CD2AP: variants seen among roughly 807,000 people sequenced by gnomAD.
CD2AP encodes the protein CD2 associated protein.
A neutral mutation model predicts 85.1 loss-of-function variants in CD2AP; 46 were observed. The observed-to-expected ratio is 0.54, with a 90% CI of 0.43 to 0.69. The LOEUF is 0.69. Among genes scored for constraint, CD2AP ranks in the 30% least tolerant of loss-of-function variants. The probability of loss-of-function intolerance (pLI) is 0.00; values close to 1 mark genes in which losing one functional copy is unlikely to be tolerated. For synonymous variants in CD2AP, 255 were observed against 252.9 expected (o/e 1.01, Z -0.08); for missense variants, 769 against 729.5 (o/e 1.05, Z -0.62).
intron 4 of CD2AP, among the ~76,000 whole-genome samples, chr6:47,547,385 T>C (rs1767393137): frequency 6.6e-6 from 1 of 152,164 alleles, no homozygotes; most frequent in Non-Finnish European, 1.5e-5. Context: ...GCTATGCTTA[T>C]ATCAGACAAA....
rs1273482077 is a variant in CD2AP at position 47,478,263 on chromosome 6, C to T, written c.4+15C>T. The stretch of plus-strand genomic sequence containing the variant: ...CCCCAGCATGGGTAAGAGACTCGGG[C>T]GCTTCCCGCCGCCCGTCCGGACCTT... On this transcript the variant is annotated intron_variant, in intron 1 of 17. Transcript: ENST00000359314. 1 of 1,568,292 alleles carries T rather than the reference C, an allele frequency of 6.4e-7. No homozygotes were observed. The highest frequency in any genetic ancestry group is 8.6e-7 in the Non-Finnish European group (1 of 1,157,220).
chr6:47,494,873 G>A (rs1406910035), intron 1 of CD2AP, among the ~76,000 whole-genome samples: 3 of 152,164 alleles, frequency 2.0e-5, no homozygotes, highest in African/African-American at 4.8e-5. Flanking sequence ...TTTAGAAATA[G>A]TTGGCTGGGC....
intron 4 of CD2AP, among the ~76,000 whole-genome samples, chr6:47,546,674 A>G (rs566247098): frequency 6.6e-6 from 1 of 152,254 alleles, no homozygotes; most frequent in African/African-American, 2.4e-5. Context: ...TAGGAAGTTC[A>G]AAGGACACCT....
At chr6:47,570,686 G>A (rs1188181810) in intron 5 of CD2AP, among the ~76,000 whole-genome samples, 2 of 152,050 alleles carry the variant, frequency 1.3e-5, no homozygotes, top group African/African-American at 4.8e-5. Context: ...ACTGTTTAAA[G>A]CACTTCACAG....
At position 47,608,027 on chromosome 6, in the gene CD2AP, A is replaced by G; in HGVS notation, c.1631A>G (p.Lys544Arg). 6.3e-7 allele frequency: 1 copy of G among 1,598,328 alleles called. No individual in the cohort carries two copies. Among genetic ancestry groups the G allele is most frequent in the Non-Finnish European group, 8.6e-7 (1 of 1,165,980 alleles). ...ELKKDTCYSP[K>R]PSVYLSTPSS... ...AAAAAAGATACATGCTACTCTCCAA[A>G]GGTGAGGTGCATTGTGGTCTAAGGT... Residue 544 changes from lysine to arginine, a missense_variant and splice_region_variant, in exon 15 of 18, where the codon AAG becomes AGG. By Grantham distance (26) the Lys-to-Arg change is conservative. Transcript: ENST00000359314.
At chr6:47,517,453 A>T (rs1766482587) in intron 2 of CD2AP, among the ~76,000 whole-genome samples, 1 of 151,710 alleles carries the variant, frequency 6.6e-6, no homozygotes, top group African/African-American at 2.4e-5. Flanking sequence ...ATGCCTGGCT[A>T]ATGTTTTTTC....
chr6:47,625,529 A>T lies in CD2AP; in HGVS notation c.*1302A>T, dbSNP rs1769885719. On this transcript the variant is annotated 3_prime_UTR_variant, in exon 18 of 18. Transcript: ENST00000359314. ...GTTCTGTCTGTAGGTAACATCTAAA[A>T]CACAAGTGGGTTTATTTAAATTTTT... 1 of 151,902 alleles carries T rather than the reference A, an allele frequency of 6.6e-6. No homozygotes were observed. The highest frequency in any genetic ancestry group is 1.5e-5 in the Non-Finnish European group (1 of 67,774). 9.4% of individuals were successfully genotyped at this position (151,902 alleles called of 1,614,324 possible). A position where few individuals can be genotyped will look rare whatever the true frequency, so the allele number is the denominator to read the frequency against.
chr6:47,572,342 T>C (rs1209441770), intron 5 of CD2AP, among the ~76,000 whole-genome samples: 2 of 152,236 alleles, frequency 1.3e-5, no homozygotes, highest in Non-Finnish European at 2.9e-5. Context: ...TGGTGCGACA[T>C]TTGTCAAACA....
intron 2 of CD2AP, among the ~76,000 whole-genome samples, chr6:47,526,754 T>C (rs1766739917): frequency 1.3e-5 from 2 of 152,200 alleles, no homozygotes; most frequent in African/African-American, 2.4e-5. Flanking sequence ...AGTCAAGTGC[T>C]TGGTCTCCTG....
intron 5 of CD2AP, among the ~76,000 whole-genome samples, chr6:47,566,508 T>C (rs909741845): frequency 5.3e-5 from 8 of 151,950 alleles, no homozygotes; most frequent in African/African-American, 1.9e-4. Context: ...TGGTTTTTGC[T>C]TTAAGTTCTG....
At chr6:47,490,266 G>T (rs1056781793) in intron 1 of CD2AP, among the ~76,000 whole-genome samples, 1 of 152,186 alleles carries the variant, frequency 6.6e-6, no homozygotes, top group African/African-American at 2.4e-5. Flanking sequence ...TTACAGGCAT[G>T]AGCCACTATG....
At chr6:47,588,492 TC>T (rs1582595595) in intron 11 of CD2AP, among the ~76,000 whole-genome samples, 1 of 152,156 alleles carries the variant, frequency 6.6e-6, no homozygotes. Flanking sequence ...TTCTGAAACT[TC>T]CTTCTAGTGG....
At chr6:47,511,845 G>A (rs1223074506) in intron 2 of CD2AP, among the ~76,000 whole-genome samples, 6 of 150,990 alleles carry the variant, frequency 4.0e-5, no homozygotes, top group Non-Finnish European at 8.8e-5. Context: ...TGGCTAACAC[G>A]GTGAAACCTC....
intron 3 of CD2AP, among the ~76,000 whole-genome samples, chr6:47,535,075 A>G (rs935757443): frequency 6.6e-6 from 1 of 152,090 alleles, no homozygotes; most frequent in African/African-American, 2.4e-5. Context: ...GGAATTACAG[A>G]CGTGAGCCAC....
At chr6:47,606,386 T>C in intron 14 of CD2AP, 109 bp downstream of exon 14, 1 of 726,828 alleles carries the variant, frequency 1.4e-6, no homozygotes, top group Admixed American at 2.0e-5. Flanking sequence ...GGAGGATAGC[T>C]CTTATACTCA....
intron 2 of CD2AP, among the ~76,000 whole-genome samples, chr6:47,528,070 A>G (rs189768645): frequency 6.6e-6 from 1 of 152,332 alleles, no homozygotes; most frequent in Admixed American, 6.5e-5. Flanking sequence ...TATCATTTCT[A>G]ATACAGATAT....
At chr6:47,509,869 A>G (rs529823140) in intron 2 of CD2AP, among the ~76,000 whole-genome samples, 2 of 152,252 alleles carry the variant, frequency 1.3e-5, no homozygotes, top group South Asian at 4.1e-4. Flanking sequence ...GAGAAAATTT[A>G]TTGCAGTTAT....
At chr6:47,579,291 C>T (rs1768400624) in intron 8 of CD2AP, 94 bp from the exon 9 acceptor site, 2 of 750,836 alleles carry the variant, frequency 2.7e-6, no homozygotes, top group Non-Finnish European at 4.6e-6. Context: ...GTCATGATCG[C>T]ATCACTGCAC....
intron 10 of CD2AP, 62 bp downstream of exon 10, chr6:47,580,962 A>T: frequency 8.9e-7 from 1 of 1,129,116 alleles, no homozygotes. Flanking sequence ...TAAAATGGTA[A>T]AATTGGATCT....
Sources: allele counts gnomAD v4.1 joint callset (sites outside exome capture counted in the v4.1 genomes callset), GRCh38; gene constraint gnomAD v4.1.1; transcripts MANE v1.5; gene names NCBI Gene and HGNC (gene_info 2026-07-23, HGNC 2026-07-21).